Variants in SYMPK observed in about 807,000 individuals in gnomAD.
SYMPK encodes symplekin.
Under a neutral mutation model 136.4 loss-of-function variants are expected in SYMPK, and 49 were observed. The observed-to-expected ratio is 0.36, with a 90% CI of 0.29 to 0.46. The LOEUF (loss-of-function observed/expected upper bound fraction) is 0.46, where lower values mean the gene tolerates loss of function less well. SYMPK is among the 20% of genes least tolerant of loss of function. The probability of loss-of-function intolerance (pLI) is 1.00; values close to 1 mark genes in which losing one functional copy is unlikely to be tolerated. For missense variants in SYMPK, 1,365 were observed against 1,690.0 expected (o/e 0.81, Z 3.37); for synonymous variants, 766 against 713.0 (o/e 1.07, Z -1.19).
In SYMPK at chr19:45,823,663, A is replaced by G. The variant is rs868439366; in HGVS notation, c.2599+104T>C. 4.6e-6 allele frequency: 5 copies of G among 1,092,068 alleles called. No individual in the cohort carries two copies. The Middle Eastern group carries it at 8.0e-4, about 175-fold the overall frequency. The allele number at this position is 1,092,068 out of a possible 1,614,324, so 67.6% of individuals were successfully genotyped here. ...GGCCCTAGGACAGGCACAGACCCGC[A>G]AGAGGTACGACCATCTGGGGACCCA... On this transcript the variant is annotated intron_variant, in intron 19 of 26. Transcript: ENST00000245934.
chr19:45,844,236 C>G, intron 7 of SYMPK, 36 bp from the exon 8 acceptor site: 1 of 1,506,110 alleles, frequency 6.6e-7, no homozygotes, highest in Non-Finnish European at 8.9e-7. Context: ...CAGTGGGATC[C>G]GTTTTCCCAG....
chr19:45,819,844 C>G (rs1227291997), intron 22 of SYMPK: 1 of 152,370 alleles, frequency 6.6e-6, no homozygotes, highest in Admixed American at 6.5e-5. Context: ...ACTTTGTGAT[C>G]TGGAGCTTAG....
At chr19:45,846,718 T>C (rs887937589) in intron 7 of SYMPK, among the ~76,000 whole-genome samples, 1 of 152,116 alleles carries the variant, frequency 6.6e-6, no homozygotes, top group Non-Finnish European at 1.5e-5. Flanking sequence ...ACAGTGTTTA[T>C]CTCTGGAAAG....
At chr19:45,852,832 G>T (rs896362658) in intron 3 of SYMPK, among the ~76,000 whole-genome samples, 2 of 152,154 alleles carry the variant, frequency 1.3e-5, no homozygotes, top group East Asian at 3.9e-4. Context: ...CATGACACAG[G>T]AGGGGGCTGA....
chr19:45,832,079 G>T (rs1971190650), intron 11 of SYMPK, among the ~76,000 whole-genome samples: 1 of 152,194 alleles, frequency 6.6e-6, no homozygotes, highest in Non-Finnish European at 1.5e-5. Context: ...CTGGGCTCAA[G>T]CGATCCTCCC....
At chr19:45,844,290 T>A in intron 7 of SYMPK, 90 bp from the exon 8 acceptor site, 1 of 1,043,002 alleles carries the variant, frequency 9.6e-7, no homozygotes, top group Non-Finnish European at 1.4e-6. Context: ...GAAGGACAGA[T>A]CCTGGTACCT....
At position 45,853,431 on chromosome 19, in the gene SYMPK, G is replaced by A. The variant is rs944410051; in HGVS notation, c.171+744C>T. On this transcript the variant is annotated intron_variant, in intron 3 of 26. Transcript: ENST00000245934. ...AGGAGGGTGGACCACTTGAGCTCAC[G>A]AGTTTGAGACCAGCCTGGTCAACAT... 2.6e-5 allele frequency among the ~76,000 whole-genome samples: 4 copies of A among 152,096 alleles called. No individual in the cohort carries two copies. The East Asian group carries it at 5.8e-4, about 22-fold the overall frequency.
rs375392200 is a variant in SYMPK, at chr19:45,828,952, C to T, written c.1985+18G>A. 6.2e-6 allele frequency: 10 copies of T among 1,607,796 alleles called. No homozygotes were observed. Among genetic ancestry groups the T allele is most frequent in the Admixed American group, 1.7e-5 (1 of 59,902 alleles). On this transcript the variant is annotated intron_variant, in intron 14 of 26. Transcript: ENST00000245934. ...GAAGCCTCTCGGGGACAGGAGGGTG[C>T]AGGGTCAGCCCCCTCACCCATCCTT...
chr19:45,826,694 G>A (rs191669046), intron 16 of SYMPK, among the ~76,000 whole-genome samples: 3 of 152,318 alleles, frequency 2.0e-5, no homozygotes, highest in East Asian at 1.9e-4. Flanking sequence ...TCCCTAGAAC[G>A]TCTACTGCCA....
At chr19:45,850,804 C>T (rs898757682) in intron 5 of SYMPK, among the ~76,000 whole-genome samples, 8 of 151,916 alleles carry the variant, frequency 5.3e-5, no homozygotes, top group Non-Finnish European at 7.4e-5. Flanking sequence ...TGATATTTTG[C>T]GGGAAGAATC....
chr19:45,826,406 G>A, intron 16 of SYMPK, 33 bp from the exon 17 acceptor site: 2 of 1,610,598 alleles, frequency 1.2e-6, no homozygotes, highest in Non-Finnish European at 1.7e-6. Context: ...GCAGGGTCAG[G>A]GAAGAGGTAA....
intron 20 of SYMPK, among the ~76,000 whole-genome samples, chr19:45,823,095 C>T (rs543125123): frequency 3.3e-5 from 5 of 152,268 alleles, no homozygotes; most frequent in Admixed American, 3.3e-4. Context: ...AGGAGAAAAG[C>T]GAGTCTCAAA....
At chr19:45,853,153 T>A (rs1005867340) in intron 3 of SYMPK, among the ~76,000 whole-genome samples, 2 of 152,118 alleles carry the variant, frequency 1.3e-5, no homozygotes, top group African/African-American at 4.8e-5. Context: ...GTGCATCCAC[T>A]CCACCTCGGA....
At chr19:45,827,788 A>AG in intron 15 of SYMPK, 49 bp downstream of exon 15, 1 of 1,592,278 alleles carries the variant, frequency 6.3e-7, no homozygotes, top group Non-Finnish European at 8.6e-7. Context: ...CCCTCAGGGC[A>AG]GGGCCCTGTC....
chr19:45,831,687 C>T lies in SYMPK; in HGVS notation c.1394-99G>A, dbSNP rs909580865. 4.0e-6 allele frequency: 4 copies of T among 999,276 alleles called. No homozygotes were observed. The African/African-American group carries it at 4.9e-5, about 12-fold the overall frequency. 61.9% of individuals were successfully genotyped at this position (999,276 alleles called of 1,614,324 possible). A position where few individuals can be genotyped will look rare whatever the true frequency, so the allele number is the denominator to read the frequency against. ...CTGGCTCTGTTCTGAGCCCTGTACA[C>T]ACAAAACCTCGTTTAAATCCACACA... On this transcript the variant is annotated intron_variant, in intron 11 of 26. Coordinates refer to ENST00000245934, the MANE Select transcript of SYMPK (RefSeq NM_004819.3).
Position 45,816,011 on chromosome 19 carries a change from G to A in SYMPK, c.3527C>T (p.Pro1176Leu), listed in dbSNP as rs769497793. ...CGGGGGCGGGCCTGGCCGGGCCGACGGAGAGGGAGAGGGGGAGGAAGAGGA... is the reference window on the plus strand; with the variant it reads ...CGGGGGCGGGCCTGGCCGGGCCGACAGAGAGGGAGAGGGGGAGGAAGAGGA... ...APSSSSPSPS[P>L]SARPGPPPSE... is the part of the protein sequence containing the mutation. The change falls in exon 26 of 27, where the codon CCG becomes CTG. Residue 1176 changes from proline (P) to leucine (L), a missense_variant. This residue lies in a region of SYMPK where 341 missense variants were observed against 270.5 expected (regional missense o/e 1.26). Transcript: ENST00000245934. 2.5e-6 allele frequency: 4 copies of A among 1,596,718 alleles called. No homozygotes were observed. The highest frequency in any genetic ancestry group is 1.3e-5 in the African/African-American group (1 of 74,886).
In SYMPK at chr19:45,823,392, C is replaced by T; in HGVS notation, c.2680G>A (p.Val894Met). Reference protein sequence around the residue: ...RLPDVRFLIPVLNGLEKKEVI... With the variant: ...RLPDVRFLIPMLNGLEKKEVI... ...CATACCTTCTCCAGCCCATTGAGCA[C>T]CGGGATGAGGAAGCGGACGTCTGGC... Residue 894 changes from valine to methionine, a missense_variant, in exon 20 of 27, where the codon GTG becomes ATG. By Grantham distance (21) the Val-to-Met change is conservative. This residue lies in a region of SYMPK where 92 missense variants were observed against 198.6 expected (regional missense o/e 0.46). Coordinates refer to ENST00000245934, the MANE Select transcript of SYMPK (RefSeq NM_004819.3). The T allele has an allele frequency of 1.2e-6, 2 of 1,614,026 alleles. No individual in the cohort carries two copies.
chr19:45,854,250 G>C lies in SYMPK; in HGVS notation c.106-10C>G, dbSNP rs780853990. 1.2e-6 allele frequency: 2 copies of C among 1,613,944 alleles called. No homozygotes were observed. Among genetic ancestry groups the C allele is most frequent in the Non-Finnish European group, 1.7e-6 (2 of 1,179,970 alleles). On this transcript the variant is annotated splice_polypyrimidine_tract_variant and intron_variant, in intron 2 of 26. Transcript: ENST00000245934. ...TCAGAAGATCCACCACCTGGAAGGA[G>C]GGGGAGTGGCAGGGGATAGTGCCAG...
chr19:45,831,796 G>C (rs945678455), intron 11 of SYMPK, among the ~76,000 whole-genome samples: 6 of 152,138 alleles, frequency 3.9e-5, no homozygotes, highest in African/African-American at 1.4e-4. Context: ...TCATTGCTGG[G>C]GGGAGCAGCA....
Sources: allele counts gnomAD v4.1 joint callset (sites outside exome capture counted in the v4.1 genomes callset), GRCh38; gene constraint gnomAD v4.1.1; regional missense constraint gnomAD v4.1.1; transcripts MANE v1.5; gene names NCBI Gene and HGNC (gene_info 2026-07-23, HGNC 2026-07-21).